LTBP1: variants seen among roughly 807,000 people sequenced by gnomAD.
The protein encoded by LTBP1 is latent-transforming growth factor beta-binding protein 1.
In LTBP1, 129 loss-of-function variants were observed where a neutral mutation model predicts 207.6. The observed-to-expected ratio is 0.62, with a 90% CI of 0.54 to 0.72. LTBP1 has a LOEUF of 0.72. Ranked by LOEUF, LTBP1 falls within the 30% of genes least tolerant of loss-of-function variation. The pLI, the probability that LTBP1 is intolerant of heterozygous loss-of-function variation, is 0.00. For synonymous variants in LTBP1, 963 were observed against 833.7 expected (o/e 1.16, Z -2.67); for missense variants, 2,281 against 2,217.2 (o/e 1.03, Z -0.58).
intron 24 of LTBP1, among the ~76,000 whole-genome samples, chr2:33,338,056 C>T (rs1048168149): frequency 6.6e-6 from 1 of 152,106 alleles, no homozygotes; most frequent in East Asian, 1.9e-4. Context: ...TAAAGTGAAA[C>T]AAATGTCCTC....
intron 5 of LTBP1, among the ~76,000 whole-genome samples, chr2:33,151,516 C>T (rs896712617): frequency 4.6e-5 from 7 of 151,798 alleles, no homozygotes; most frequent in African/African-American, 1.7e-4. Flanking sequence ...TTTGGTTGCA[C>T]GAGTAAGTTC....
intron 5 of LTBP1, among the ~76,000 whole-genome samples, chr2:33,160,579 A>C (rs1445829910): frequency 6.6e-6 from 1 of 152,208 alleles, no homozygotes; most frequent in Admixed American, 6.5e-5. Context: ...TAAATTAATC[A>C]GTATGGAAAT....
chr2:33,357,942 A>G (rs1169159076), intron 26 of LTBP1, among the ~76,000 whole-genome samples: 1 of 152,216 alleles, frequency 6.6e-6, no homozygotes, highest in Non-Finnish European at 1.5e-5. Flanking sequence ...GCAATGAACT[A>G]AACTCATGTA....
intron 4 of LTBP1, among the ~76,000 whole-genome samples, chr2:33,126,277 AG>A (rs1239236329): frequency 6.6e-6 from 1 of 152,114 alleles, no homozygotes; most frequent in Non-Finnish European, 1.5e-5. Flanking sequence ...CTATATTGCC[AG>A]GGTTAGTCTC....
intron 24 of LTBP1, among the ~76,000 whole-genome samples, chr2:33,325,203 T>C (rs554632096): frequency 2.2e-4 from 33 of 152,360 alleles, no homozygotes; most frequent in African/African-American, 6.7e-4. Flanking sequence ...CCAGCACTGA[T>C]GCTTGTTTGC....
chr2:32,962,955 C>G (rs940516707), intron 2 of LTBP1, among the ~76,000 whole-genome samples: 1 of 152,248 alleles, frequency 6.6e-6, no homozygotes, highest in African/African-American at 2.4e-5. Flanking sequence ...TAGCAGAACC[C>G]ATCTCCTCCT....
chr2:33,175,394 C>G (rs2085925506), intron 5 of LTBP1, among the ~76,000 whole-genome samples: 1 of 151,924 alleles, frequency 6.6e-6, no homozygotes, highest in South Asian at 2.1e-4. Context: ...CCAAAAGACA[C>G]ATGAAAAAAT....
intron 7 of LTBP1, among the ~76,000 whole-genome samples, chr2:33,205,330 C>T (rs2089760297): frequency 1.3e-5 from 2 of 152,224 alleles, no homozygotes; most frequent in Non-Finnish European, 2.9e-5. Flanking sequence ...CCTCGTTTCT[C>T]TTCCTCACCA....
chr2:33,377,234 G>A (rs1173631139), intron 31 of LTBP1, among the ~76,000 whole-genome samples: 2 of 152,196 alleles, frequency 1.3e-5, no homozygotes, highest in African/African-American at 4.8e-5. Context: ...TGGATTGCGG[G>A]TGAGTCAGCA....
chr2:33,108,222 T>TG (rs1558646482), intron 3 of LTBP1, among the ~76,000 whole-genome samples: 1 of 148,036 alleles, frequency 6.8e-6, no homozygotes, highest in African/African-American at 2.5e-5. Flanking sequence ...CTTCTGTCTC[T>TG]GGGGGGCTGT....
chr2:33,202,537 A>G (rs2089425469), intron 7 of LTBP1, among the ~76,000 whole-genome samples: 1 of 152,238 alleles, frequency 6.6e-6, no homozygotes, highest in East Asian at 1.9e-4. Flanking sequence ...TTACAAAACA[A>G]ACAAACCTAG....
intron 7 of LTBP1, among the ~76,000 whole-genome samples, chr2:33,208,113 A>G (rs1362789102): frequency 6.6e-6 from 1 of 152,244 alleles, no homozygotes; most frequent in Admixed American, 6.5e-5. Context: ...CATAGTATTG[A>G]TGGTGTAGCT....
At chr2:33,333,232 T>G (rs763127490) in intron 24 of LTBP1, among the ~76,000 whole-genome samples, 3 of 66,820 alleles carry the variant, frequency 4.5e-5, no homozygotes, top group Non-Finnish European at 8.4e-5. Context: ...ATTTGTAGAG[T>G]TTTTTTTTTT....
chr2:33,225,152 G>T (rs1162709244), intron 9 of LTBP1, among the ~76,000 whole-genome samples: 1 of 151,952 alleles, frequency 6.6e-6, no homozygotes, highest in Non-Finnish European at 1.5e-5. Flanking sequence ...TATAATAATT[G>T]TACATATTTA....
intron 3 of LTBP1, among the ~76,000 whole-genome samples, chr2:33,024,304 G>A (rs2075313630): frequency 6.6e-6 from 1 of 152,204 alleles, no homozygotes; most frequent in African/African-American, 2.4e-5. Flanking sequence ...CTGGGTTGGT[G>A]TGTGGTGGGG....
At chr2:33,091,279 G>T (rs2079074678) in intron 3 of LTBP1, among the ~76,000 whole-genome samples, 1 of 152,118 alleles carries the variant, frequency 6.6e-6, no homozygotes, top group African/African-American at 2.4e-5. Context: ...GGTCCTGTGG[G>T]GCTGTAAGTA....
intron 2 of LTBP1, among the ~76,000 whole-genome samples, chr2:32,980,249 C>T (rs985957406): frequency 4.0e-5 from 6 of 151,818 alleles, no homozygotes; most frequent in East Asian, 1.9e-4. Context: ...TTTCTGTTTT[C>T]GTTTTAGTGA....
intron 2 of LTBP1, among the ~76,000 whole-genome samples, chr2:32,975,062 G>A (rs1468376404): frequency 6.6e-6 from 1 of 152,198 alleles, no homozygotes; most frequent in Non-Finnish European, 1.5e-5. Context: ...CTCTTGTAAG[G>A]CTGGTCTGGT....
chr2:33,164,098 C>G (rs778424913), intron 5 of LTBP1, among the ~76,000 whole-genome samples: 7 of 151,782 alleles, frequency 4.6e-5, no homozygotes, highest in Non-Finnish European at 1.0e-4. Flanking sequence ...TGCCTGTAAT[C>G]CCAGCACTTT....
Sources: gnomAD v4.1 joint callset for allele counts (sites outside exome capture counted in the v4.1 genomes callset) on GRCh38, gnomAD v4.1.1 for gene constraint, MANE v1.5 for transcripts, NCBI Gene and HGNC (gene_info 2026-07-23, HGNC 2026-07-21) for gene names.